Variants in SNX13 observed in about 807,000 individuals in gnomAD.
The protein encoded by SNX13 is sorting nexin 13, also known as sorting nexin-13.
SNX13 carries 45 observed loss-of-function variants against 133.6 expected under a neutral mutation model. That is an observed-to-expected ratio of 0.34 (90% confidence interval 0.27 to 0.43). SNX13 has a LOEUF of 0.43. SNX13 is among the 20% of genes least tolerant of loss of function. The pLI, the probability that SNX13 is intolerant of heterozygous loss-of-function variation, is 1.00. For synonymous variants in SNX13, 414 were observed against 373.9 expected (o/e 1.11, Z -1.24); for missense variants, 1,032 against 1,145.1 (o/e 0.90, Z 1.43).
chr7:17,797,225 T>G (rs961710507), intron 24 of SNX13, among the ~76,000 whole-genome samples: 2 of 151,876 alleles, frequency 1.3e-5, no homozygotes, highest in Non-Finnish European at 2.9e-5. Context: ...TACATGACTA[T>G]ATCACAGCCA....
chr7:17,883,892 C>T (rs150228343), intron 5 of SNX13, among the ~76,000 whole-genome samples: 2 of 152,276 alleles, frequency 1.3e-5, no homozygotes, highest in East Asian at 1.9e-4. Context: ...CTGCAAAGGA[C>T]ATGTACTCTG....
At chr7:17,845,977 C>T (rs964901096) in intron 11 of SNX13, among the ~76,000 whole-genome samples, 7 of 151,990 alleles carry the variant, frequency 4.6e-5, no homozygotes, top group African/African-American at 1.7e-4. Flanking sequence ...TTCTCTATCT[C>T]TATATATTCC....
At chr7:17,924,424 C>CTT (rs1343065440) in intron 1 of SNX13, among the ~76,000 whole-genome samples, 1 of 152,074 alleles carries the variant, frequency 6.6e-6, no homozygotes, top group Non-Finnish European at 1.5e-5. Flanking sequence ...AAACAAAAAC[C>CTT]ACTAAGAGAT....
chr7:17,797,296 T>C (rs1784156648), intron 24 of SNX13, among the ~76,000 whole-genome samples: 2 of 151,798 alleles, frequency 1.3e-5, no homozygotes, highest in African/African-American at 2.4e-5. Flanking sequence ...CCCTACAATA[T>C]CTTGAATCTC....
At chr7:17,859,781 C>G (rs1340666338) in intron 9 of SNX13, among the ~76,000 whole-genome samples, 1 of 152,144 alleles carries the variant, frequency 6.6e-6, no homozygotes, top group African/African-American at 2.4e-5. Flanking sequence ...GCTTATTTCA[C>G]TTAACACAGT....
At chr7:17,804,091 T>C (rs1784923243) in intron 20 of SNX13, among the ~76,000 whole-genome samples, 1 of 152,060 alleles carries the variant, frequency 6.6e-6, no homozygotes, top group African/African-American at 2.4e-5. Context: ...TTCACATACA[T>C]ATATATGATT....
chr7:17,914,349 A>T (rs1480881807), intron 1 of SNX13, among the ~76,000 whole-genome samples: 2 of 152,244 alleles, frequency 1.3e-5, no homozygotes, highest in Non-Finnish European at 2.9e-5. Context: ...CAATCTGTCT[A>T]TAGAGATCAA....
chr7:17,852,887 A>T (rs1201700315), intron 9 of SNX13, among the ~76,000 whole-genome samples: 3 of 152,236 alleles, frequency 2.0e-5, no homozygotes, highest in Non-Finnish European at 2.9e-5. Context: ...AGAAAATATA[A>T]AATATACATG....
chr7:17,918,216 T>C (rs971063813), intron 1 of SNX13, among the ~76,000 whole-genome samples: 1 of 152,098 alleles, frequency 6.6e-6, no homozygotes, highest in African/African-American at 2.4e-5. Context: ...TTCTGAACAT[T>C]GGCTTAGCCA....
rs1274070873 is a variant in SNX13, at chr7:17,803,545, C to G, written c.2100G>C (p.Met700Ile). Residue 700 changes from methionine to isoleucine, a missense_variant, in exon 21 of 26, where the codon ATG becomes ATC. Met to Ile is a conservative substitution (Grantham distance 10). Coordinates refer to ENST00000428135, the MANE Select transcript of SNX13 (RefSeq NM_015132.5). ...DTFVNPLRNS[M>I]RNVSNAVKSL... ...ATTTAACTGCATTTGAAACATTCCT[C>G]ATTGAATTGCGAAGTGGATTTACAA... 2 of 1,610,330 alleles carry G rather than the reference C, an allele frequency of 1.2e-6. No homozygotes were observed. The highest frequency in any genetic ancestry group is 2.2e-5 in the South Asian group (2 of 90,144).
At chr7:17,805,254 T>TGTGCGCGCGCGCGCGCGC (rs537620797) in intron 20 of SNX13, among the ~76,000 whole-genome samples, 1 of 132,440 alleles carries the variant, frequency 7.6e-6, no homozygotes, top group Non-Finnish European at 1.6e-5. Flanking sequence ...TGTGTGTGCG[T>TGTGCGCGCGCGCGCGCGC]GCGCGCGCGC....
chr7:17,922,721 T>A (rs1800262593), intron 1 of SNX13, among the ~76,000 whole-genome samples: 1 of 151,604 alleles, frequency 6.6e-6, no homozygotes, highest in Non-Finnish European at 1.5e-5. Context: ...GGGAGAAGAT[T>A]TAGAGTACGA....
intron 16 of SNX13, among the ~76,000 whole-genome samples, chr7:17,827,098 C>G (rs913652805): frequency 1.5e-4 from 23 of 152,000 alleles, no homozygotes; most frequent in Admixed American, 5.3e-4. Context: ...CAATAAAAAA[C>G]CTGTACATTT....
At chr7:17,865,763 A>G (rs1159444930) in intron 9 of SNX13, among the ~76,000 whole-genome samples, 1 of 152,214 alleles carries the variant, frequency 6.6e-6, no homozygotes, top group Non-Finnish European at 1.5e-5. Flanking sequence ...AGTAACCAAA[A>G]CAGCAGGGTA....
At chr7:17,869,113 C>T (rs1280766499) in intron 8 of SNX13, among the ~76,000 whole-genome samples, 1 of 152,082 alleles carries the variant, frequency 6.6e-6, no homozygotes, top group Non-Finnish European at 1.5e-5. Flanking sequence ...ACTGCAGAAT[C>T]AATTACCCTA....
At chr7:17,932,658 T>C (rs1405674846) in intron 1 of SNX13, among the ~76,000 whole-genome samples, 1 of 152,156 alleles carries the variant, frequency 6.6e-6, no homozygotes, top group African/African-American at 2.4e-5. Flanking sequence ...AGCAAATAAA[T>C]ATATACATAA....
intron 2 of SNX13, among the ~76,000 whole-genome samples, chr7:17,896,873 C>A (rs935041453): frequency 4.6e-5 from 7 of 151,984 alleles, no homozygotes; most frequent in Non-Finnish European, 1.0e-4. Flanking sequence ...ACTGCAAAAT[C>A]AGGTATTTGA....
chr7:17,843,504 T>C (rs1790144943), intron 12 of SNX13, among the ~76,000 whole-genome samples: 2 of 152,082 alleles, frequency 1.3e-5, no homozygotes, highest in South Asian at 4.1e-4. Flanking sequence ...GATGCCCCAC[T>C]CTCAGTAACG....
chr7:17,928,439 A>G lies in SNX13; in HGVS notation c.12+11845T>C, dbSNP rs1031120913. On this transcript the variant is annotated intron_variant, in intron 1 of 25. Transcript: ENST00000428135. ...ATAAGTTATACTAACTATTCTACAG[A>G]TTTAAGAAATAACAGCTAAGTGATA... 4.9e-4 allele frequency among the ~76,000 whole-genome samples: 75 copies of G among 152,206 alleles called. 2 individuals carry two copies. Among genetic ancestry groups the G allele is most frequent in the Non-Finnish European group, 7.3e-5 (5 of 68,040 alleles).
Sources: gnomAD v4.1 joint callset for allele counts (sites outside exome capture counted in the v4.1 genomes callset) on GRCh38, gnomAD v4.1.1 for gene constraint, MANE v1.5 for transcripts, NCBI Gene and HGNC (gene_info 2026-07-23, HGNC 2026-07-21) for gene names.